Variants in RFC3 observed in about 807,000 individuals in gnomAD.
RFC3 encodes A1 38 kDa subunit.
A neutral mutation model predicts 45.1 loss-of-function variants in RFC3; 41 were observed. The observed-to-expected ratio is 0.91, with a 90% CI of 0.71 to 1.18. RFC3 has a LOEUF of 1.18. RFC3 is among the 50% of genes most tolerant of loss of function. The pLI is 0.00. For synonymous variants in RFC3, 149 were observed against 144.0 expected (o/e 1.03, Z -0.25); for missense variants, 423 against 428.1 (o/e 0.99, Z 0.10).
intron 8 of RFC3, among the ~76,000 whole-genome samples, chr13:33,909,750 G>T (rs967010452): frequency 2.0e-5 from 3 of 152,172 alleles, no homozygotes; most frequent in East Asian, 1.9e-4. Context: ...ATCAAAATAA[G>T]AGTGTACCTG....
intron 8 of RFC3, among the ~76,000 whole-genome samples, chr13:33,851,815 A>G (rs970384216): frequency 6.6e-6 from 1 of 152,182 alleles, no homozygotes; most frequent in Admixed American, 6.6e-5. Context: ...TTAGGAAACT[A>G]TTTGTCTGGG....
rs117936419 is a variant in RFC3, at chr13:33,922,912, A to T, written c.880-43175A>T. Among the ~76,000 whole-genome samples the T allele has an allele frequency of 4.7e-3, 709 of 152,268 alleles. 5 individuals carry two copies. Among genetic ancestry groups the T allele is most frequent in the East Asian group, 0.029 (150 of 5,168 alleles). On this transcript the variant is annotated intron_variant, in intron 8 of 8. Coordinates refer to the RFC3 transcript ENST00000434425. ...GTAGGGTTGCAGGAATTAACTTATG[A>T]TATATGTAAAGCCATTAGTATTGCA...
intron 1 of RFC3, 121 bp from the exon 2 acceptor site, chr13:33,821,011 A>C (rs1306011629): frequency 1.1e-5 from 10 of 895,516 alleles, no homozygotes; most frequent in Non-Finnish European, 1.5e-5. Flanking sequence ...GGGTGTATCT[A>C]CTCATGAACT....
chr13:33,972,335 C>T, the RFC3 span, among the ~76,000 whole-genome samples: 3 of 152,246 alleles, frequency 2.0e-5, no homozygotes, highest in African/African-American at 7.2e-5. Flanking sequence ...TCTGGGCCCA[C>T]AACCTCCACT....
chr13:33,920,055 T>G (rs1458858143), intron 8 of RFC3, among the ~76,000 whole-genome samples: 1 of 152,164 alleles, frequency 6.6e-6, no homozygotes, highest in Non-Finnish European at 1.5e-5. Flanking sequence ...CTAATCAACC[T>G]TCCCTTCTGC....
chr13:33,954,580 T>C (rs1309959521), intron 8 of RFC3, among the ~76,000 whole-genome samples: 1 of 152,194 alleles, frequency 6.6e-6, no homozygotes, highest in African/African-American at 2.4e-5. Flanking sequence ...GTCTGGGTAG[T>C]TTAAACAACA....
rs115567126 is a variant in RFC3, at chr13:33,821,052, T to G, written c.88-80T>G. ...TTTCATGGGTAGACACATAAAATATTTGTTACTTAAAAAGTAGTTTGGTTC... is the reference window on the plus strand; with the variant it reads ...TTTCATGGGTAGACACATAAAATATGTGTTACTTAAAAAGTAGTTTGGTTC... On this transcript the variant is annotated intron_variant, in intron 1 of 8. Transcript: ENST00000380071. 9.3e-4 allele frequency: 1,294 copies of G among 1,396,386 alleles called. 12 individuals are homozygous for G. The African/African-American group carries it at 0.016, about 18-fold the overall frequency. 86.5% of individuals were successfully genotyped at this position (1,396,386 alleles called of 1,614,324 possible). A position where few individuals can be genotyped will look rare whatever the true frequency, so the allele number is the denominator to read the frequency against.
At chr13:33,840,158 T>TTAA (rs2082187283), downstream of RFC3, among the ~76,000 whole-genome samples, 3 of 152,290 alleles carry the variant, frequency 2.0e-5, no homozygotes, top group South Asian at 2.1e-4. Context: ...TGGGCTTTTG[T>TTAA]ATTTTATTAA....
chr13:33,842,303 A>AT (rs958260523), downstream of RFC3, among the ~76,000 whole-genome samples: 7 of 151,946 alleles, frequency 4.6e-5, no homozygotes, highest in South Asian at 4.1e-4. Context: ...AAAAAAAAAA[A>AT]GAAAAATCCA....
Position 33,957,723 on chromosome 13 carries a change from T to C in RFC3, c.880-8364T>C, listed in dbSNP as rs1191186761. ...CACAAGCGCAAGCCCACTGCATTGA[T>C]TGGCCCAGAACCCAATGTAGTCAAA... On this transcript the variant is annotated intron_variant, in intron 8 of 8. Coordinates refer to the RFC3 transcript ENST00000434425. Among the ~76,000 whole-genome samples, 4 of 152,156 alleles carry C rather than the reference T, an allele frequency of 2.6e-5. No homozygotes were observed. The East Asian group carries it at 5.8e-4, about 22-fold the overall frequency.
intron 8 of RFC3, among the ~76,000 whole-genome samples, chr13:33,852,873 G>T (rs2082285039): frequency 2.6e-5 from 4 of 152,166 alleles, no homozygotes; most frequent in Admixed American, 2.6e-4. Flanking sequence ...CAGTCCTTTA[G>T]CTGTGTTGGG....
intron 8 of RFC3, among the ~76,000 whole-genome samples, chr13:33,953,114 A>G (rs955633811): frequency 5.3e-5 from 8 of 151,088 alleles, no homozygotes; most frequent in African/African-American, 2.0e-4. Flanking sequence ...TTTTGGGGGA[A>G]AATTTATCTA....
intron 8 of RFC3, among the ~76,000 whole-genome samples, chr13:33,945,820 C>T (rs1003725154): frequency 6.6e-6 from 1 of 152,240 alleles, no homozygotes; most frequent in African/African-American, 2.4e-5. Context: ...TTTTAAACAG[C>T]ACCTTCTTCC....
At chr13:33,832,325 A>T (rs953491168) in intron 7 of RFC3, among the ~76,000 whole-genome samples, 1 of 152,102 alleles carries the variant, frequency 6.6e-6, no homozygotes, top group Non-Finnish European at 1.5e-5. Context: ...CAGTCTATAG[A>T]CTGAATAGAC....
intron 8 of RFC3, among the ~76,000 whole-genome samples, chr13:33,946,413 G>A (rs2137817646): frequency 6.6e-6 from 1 of 152,192 alleles, no homozygotes; most frequent in Admixed American, 6.5e-5. Flanking sequence ...ACTCTTAAAA[G>A]TTATTGAGGA....
intron 8 of RFC3, among the ~76,000 whole-genome samples, chr13:33,897,540 A>G (rs1366811906): frequency 6.6e-6 from 1 of 152,100 alleles, no homozygotes; most frequent in Non-Finnish European, 1.5e-5. Flanking sequence ...AAAATAAGCA[A>G]TAAAATGGCA....
chr13:33,951,039 C>CTTTTTTTTTTTTTTTTTTTTT (rs926664684), intron 8 of RFC3, among the ~76,000 whole-genome samples: 1 of 60,804 alleles, frequency 1.6e-5, no homozygotes, highest in African/African-American at 6.5e-5. Context: ...TCTGATGGCT[C>CTTTTTTTTTTTTTTTTTTTTT]TTTTTTTTTT....
chr13:33,958,528 T>C (rs2083036425), intron 8 of RFC3, among the ~76,000 whole-genome samples: 1 of 152,036 alleles, frequency 6.6e-6, no homozygotes, highest in South Asian at 2.1e-4. Flanking sequence ...CCCTGAGAGG[T>C]GGAGTTTTTC....
At chr13:33,875,409 C>T (rs999339002) in intron 8 of RFC3, among the ~76,000 whole-genome samples, 1 of 152,150 alleles carries the variant, frequency 6.6e-6, no homozygotes, top group Non-Finnish European at 1.5e-5. Flanking sequence ...TAGCTATAAT[C>T]TAGGCAGAGG....
Sources: allele counts gnomAD v4.1 joint callset (sites outside exome capture counted in the v4.1 genomes callset), GRCh38; gene constraint gnomAD v4.1.1; transcripts MANE v1.5; gene names NCBI Gene and HGNC (gene_info 2026-07-23, HGNC 2026-07-21).